AKAP13: variants seen among roughly 807,000 people sequenced by gnomAD.
AKAP13 encodes A-kinase anchoring protein 13, also known as A-kinase anchor protein 13.
AKAP13 carries 80 observed loss-of-function variants against 264.5 expected under a neutral mutation model. The ratio of observed to expected loss-of-function variants is 0.30; its 90% CI spans 0.25 to 0.36. The LOEUF (loss-of-function observed/expected upper bound fraction) is 0.36, where lower values mean the gene tolerates loss of function less well. Ranked by LOEUF, AKAP13 falls within the 10% of genes least tolerant of loss-of-function variation. AKAP13 has a pLI of 1.00. For missense variants in AKAP13, 3,712 were observed against 3,435.2 expected (o/e 1.08, Z -2.01); for synonymous variants, 1,380 against 1,250.2 (o/e 1.10, Z -2.19).
At chr15:85,701,841 A>T (rs1188301688) in intron 17 of AKAP13, among the ~76,000 whole-genome samples, 1 of 152,148 alleles carries the variant, frequency 6.6e-6, no homozygotes, top group Non-Finnish European at 1.5e-5. Context: ...TCAAAAATAC[A>T]TTCTTTAATT....
At chr15:85,630,119 C>A (rs953625969) in intron 8 of AKAP13, among the ~76,000 whole-genome samples, 2 of 151,504 alleles carry the variant, frequency 1.3e-5, no homozygotes, top group Admixed American at 6.6e-5. Flanking sequence ...CTCTTAGACA[C>A]TGGTGTGTGC....
intron 32 of AKAP13, among the ~76,000 whole-genome samples, 166 bp from the exon 33 acceptor site, chr15:85,735,924 C>G (rs2088443992): frequency 6.6e-6 from 1 of 152,162 alleles, no homozygotes; most frequent in Non-Finnish European, 1.5e-5. Context: ...GACCTGACCT[C>G]CTTACAAGGT....
In AKAP13 at chr15:85,744,743, C is replaced by T. The variant is rs540160369; in HGVS notation, c.*66C>T. 5.0e-5 allele frequency: 73 copies of T among 1,458,134 alleles called. No homozygotes were observed. The highest frequency in any genetic ancestry group is 1.1e-4 in the African/African-American group (8 of 70,666). 90.3% of individuals were successfully genotyped at this position (1,458,134 alleles called of 1,614,324 possible). On this transcript the variant is annotated 3_prime_UTR_variant, in exon 37 of 37. Coordinates refer to ENST00000394518, the MANE Select transcript of AKAP13 (RefSeq NM_007200.5). ...GCCAGCCCACCTCTCCTGCTGTCCCCGCGTGCACAAGTCTCTTACACTGGA... is the reference window on the plus strand; with the variant it reads ...GCCAGCCCACCTCTCCTGCTGTCCCTGCGTGCACAAGTCTCTTACACTGGA...
intron 19 of AKAP13, among the ~76,000 whole-genome samples, chr15:85,712,965 C>G (rs1425382687): frequency 6.6e-6 from 1 of 152,194 alleles, no homozygotes; most frequent in Admixed American, 6.5e-5. Context: ...AGCTGTGTAA[C>G]TGGACATTAC....
In AKAP13 at chr15:85,562,930, T is replaced by C. The variant is rs1324309181; in HGVS notation, c.663-12201T>C. Among the ~76,000 whole-genome samples, 4 of 150,638 alleles carry C rather than the reference T, an allele frequency of 2.7e-5. No homozygotes were observed. In the East Asian group the frequency reaches 7.8e-4, roughly 30 times the overall value. On this transcript the variant is annotated intron_variant, in intron 5 of 36. Coordinates refer to ENST00000394518, the MANE Select transcript of AKAP13 (RefSeq NM_007200.5). ...GGTTTCACCATATTGGCCAGGCTGG[T>C]CTCAAACTCCTGACCTCAGGTGATC...
Position 85,579,372 on chromosome 15 carries a change from A to C in AKAP13, c.1304A>C (p.Asp435Ala). Residue 435 changes from aspartate to alanine, a missense_variant, in exon 7 of 37, where the codon GAC (aspartate) becomes GCC (alanine). Around this residue, in one of 3 missense-constraint regions of AKAP13, gnomAD observed 2,759 missense variants for 2,411.7 expected, o/e 1.14. Transcript: ENST00000394518. Reference sequence around the variant, plus strand: ...ACAAAATCTTCTGGAATGCCCACAGACCAGGAGTCCCTGAGCAGTGGAGAT... The same window carrying C: ...ACAAAATCTTCTGGAATGCCCACAGCCCAGGAGTCCCTGAGCAGTGGAGAT... ...TGTKSSGMPTDQESLSSGDAV... is the reference protein window; with the variant it reads ...TGTKSSGMPTAQESLSSGDAV... 6.2e-7 allele frequency: 1 copy of C among 1,614,208 alleles called. No individual in the cohort carries two copies. Among genetic ancestry groups the C allele is most frequent in the Non-Finnish European group, 8.5e-7 (1 of 1,180,028 alleles).
chr15:85,450,522 C>A (rs377146072), intron 1 of AKAP13, among the ~76,000 whole-genome samples: 2 of 152,126 alleles, frequency 1.3e-5, no homozygotes, highest in Non-Finnish European at 2.9e-5. Flanking sequence ...TTAACACCAC[C>A]TTAGCTGTGT....
rs2088944261 is a variant in AKAP13 at position 85,741,186 on chromosome 15, C to T, written c.7749C>T (p.Asp2583=). 1 of 1,611,292 alleles carries T rather than the reference C, an allele frequency of 6.2e-7. No individual in the cohort carries two copies. Among genetic ancestry groups the T allele is most frequent in the South Asian group, 1.1e-5 (1 of 90,764 alleles). Residue 2583 remains aspartate, a synonymous_variant, in exon 35 of 37, where the codon GAC becomes GAT. Coordinates refer to ENST00000394518, the MANE Select transcript of AKAP13 (RefSeq NM_007200.5). ...GCAGCCTGGAGAAGCAGCGCCAGGA[C>T]CTGGCCAACCTGCAGAAGCAGCAGG... ...KQRSLEKQRQ[D]LANLQKQQAQ...
chr15:85,479,600 G>A (rs1163133664), intron 1 of AKAP13, among the ~76,000 whole-genome samples: 3 of 152,134 alleles, frequency 2.0e-5, no homozygotes, highest in African/African-American at 7.2e-5. Context: ...TTGTGGATTT[G>A]GAAGCTTCCC....
intron 1 of AKAP13, among the ~76,000 whole-genome samples, chr15:85,446,313 A>G (rs770642441): frequency 6.6e-6 from 1 of 152,188 alleles, no homozygotes; most frequent in Non-Finnish European, 1.5e-5. Flanking sequence ...GCAGGGGTGG[A>G]TAAGGAGACA....
rs1447226911 is a variant in AKAP13, at chr15:85,579,264, G to C, written c.1196G>C (p.Ser399Thr). Residue 399 changes from serine to threonine, a missense_variant, in exon 7 of 37, where the codon AGC (serine) becomes ACC (threonine). Ser to Thr is a moderately conservative substitution (Grantham distance 58). Around this residue, in one of 3 missense-constraint regions of AKAP13, gnomAD observed 2,759 missense variants for 2,411.7 expected, o/e 1.14. Transcript: ENST00000394518. ...VDSGTVSDQD[S>T]CLQSLPDCGV... is the part of the protein sequence containing the mutation. ...TCTGGAACTGTATCTGATCAAGACA[G>C]CTGCCTTCAGAGCTTGCCTGATTGT... 9 of 1,614,240 alleles carry C rather than the reference G, an allele frequency of 5.6e-6. No individual in the cohort carries two copies. The highest frequency in any genetic ancestry group is 7.6e-6 in the Non-Finnish European group (9 of 1,180,034).
intron 1 of AKAP13, among the ~76,000 whole-genome samples, chr15:85,427,234 C>T (rs570953630): frequency 3.7e-4 from 56 of 152,178 alleles, no homozygotes; most frequent in Non-Finnish European, 6.6e-4. Flanking sequence ...GGATTACAAG[C>T]GTGAGCCACC....
Position 85,745,869 on chromosome 15 carries a change from A to G in AKAP13, c.*1192A>G, listed in dbSNP as rs1266809641. On this transcript the variant is annotated 3_prime_UTR_variant, in exon 37 of 37. Transcript: ENST00000394518. ...TGTTAGGAGGCCTTGGCAAAATTGG[A>G]TTTCTTCAAAAATACATGTAAAGGT... The G allele has an allele frequency of 1.3e-5, 2 of 152,214 alleles. No homozygotes were observed. Among genetic ancestry groups the G allele is most frequent in the Non-Finnish European group, 2.9e-5 (2 of 68,068 alleles). 9.4% of individuals were successfully genotyped at this position (152,214 alleles called of 1,614,324 possible). A position where few individuals can be genotyped will look rare whatever the true frequency, so the allele number is the denominator to read the frequency against.
At chr15:85,459,563 A>G (rs1012753653) in intron 1 of AKAP13, among the ~76,000 whole-genome samples, 2 of 149,580 alleles carry the variant, frequency 1.3e-5, no homozygotes, top group South Asian at 4.2e-4. Flanking sequence ...GCAGTGGTGC[A>G]ATCTCAGCTC....
At chr15:85,388,380 AC>A (rs2070690217) in intron 1 of AKAP13, among the ~76,000 whole-genome samples, 1 of 151,916 alleles carries the variant, frequency 6.6e-6, no homozygotes, top group Admixed American at 6.6e-5. Context: ...ACTATCTAGG[AC>A]CCTCAGTGTA....
chr15:85,411,339 T>A (rs1010609245), intron 1 of AKAP13, among the ~76,000 whole-genome samples: 2 of 152,178 alleles, frequency 1.3e-5, no homozygotes, highest in Non-Finnish European at 2.9e-5. Flanking sequence ...CATTTAAAAA[T>A]GTGGGAAGAA....
intron 1 of AKAP13, among the ~76,000 whole-genome samples, chr15:85,442,467 AATATATATT>A (rs1236873076): frequency 7.9e-6 from 1 of 126,370 alleles, no homozygotes; most frequent in African/African-American, 2.9e-5. Flanking sequence ...TAATATACAT[AATATATATT>A]ATATAATATA....
chr15:85,710,538 C>A (rs536576209), intron 18 of AKAP13, 41 bp from the exon 19 acceptor site: 1 of 1,600,932 alleles, frequency 6.2e-7, no homozygotes, highest in Non-Finnish European at 8.5e-7. Flanking sequence ...CAGGGCTTGT[C>A]AGAGGTGAAT....
rs773396099 is a variant in AKAP13, at chr15:85,629,764, C to CTTTTTTTTTTTT, written c.4162-9588_4162-9577dup. 9.7e-4 allele frequency among the ~76,000 whole-genome samples: 49 copies of CTTTTTTTTTTTT among 50,528 alleles called. 10 individuals are homozygous for CTTTTTTTTTTTT. Among genetic ancestry groups the CTTTTTTTTTTTT allele is most frequent in the Non-Finnish European group, 1.5e-3 (41 of 26,952 alleles). 33.1% of individuals were successfully genotyped at this position (50,528 alleles called of 152,430 possible). ...GAAATATAATGAGTTCCTTTACAGC[C>CTTTTTTTTTTTT]TTTTTTTTTTTTTTTTTTTTTTTTT... On this transcript the variant is annotated intron_variant, in intron 8 of 36. Coordinates refer to ENST00000394518, the MANE Select transcript of AKAP13 (RefSeq NM_007200.5).
Sources: gnomAD v4.1 joint callset for allele counts (sites outside exome capture counted in the v4.1 genomes callset) on GRCh38, gnomAD v4.1.1 for gene constraint, gnomAD v4.1.1 regional missense constraint, MANE v1.5 for transcripts, NCBI Gene and HGNC (gene_info 2026-07-23, HGNC 2026-07-21) for gene names.